Variants in C9 observed in about 807,000 individuals in gnomAD.
The protein encoded by C9 is complement component C9.
In C9, 63 loss-of-function variants were observed where a neutral mutation model predicts 65.4. The observed-to-expected ratio is 0.96, with a 90% CI of 0.79 to 1.19. The LOEUF is 1.19. C9 is among the 50% of genes most tolerant of loss of function. The pLI, the probability that C9 is intolerant of heterozygous loss-of-function variation, is 0.00. For synonymous variants in C9, 229 were observed against 227.9 expected, an observed-to-expected ratio of 1.00 and a Z score of -0.04; for missense variants, 744 against 670.1, an observed-to-expected ratio of 1.11 and a Z score of -1.22.
At chr5:39,359,839 C>T (rs190891895) in intron 1 of C9, among the ~76,000 whole-genome samples, 52 of 152,306 alleles carry the variant, frequency 3.4e-4, no homozygotes, top group Non-Finnish European at 1.6e-4. Context: ...AGGGACCCTC[C>T]GTAATGTGTT....
At chr5:39,348,357 A>G (rs374432992) in intron 1 of C9, among the ~76,000 whole-genome samples, 2 of 152,312 alleles carry the variant, frequency 1.3e-5, no homozygotes, top group East Asian at 3.9e-4. Context: ...AAAAGTGGGC[A>G]AAGGATATGA....
chr5:39,301,596 T>C (rs745635543), intron 9 of C9, among the ~76,000 whole-genome samples: 2 of 152,148 alleles, frequency 1.3e-5, no homozygotes, highest in Non-Finnish European at 2.9e-5. Context: ...TATTCTGCAA[T>C]ATTACTTCTG....
intron 1 of C9, among the ~76,000 whole-genome samples, chr5:39,363,935 G>A (rs189753856): frequency 1.3e-5 from 2 of 152,180 alleles, no homozygotes; most frequent in Non-Finnish European, 2.9e-5. Context: ...GATGTCAAGG[G>A]AAAGAAACAA....
chr5:39,308,385 A>C, intron 7 of C9, 27 bp from the exon 8 acceptor site: 2 of 1,531,980 alleles, frequency 1.3e-6, no homozygotes, highest in Non-Finnish European at 9.0e-7. Context: ...TTTGAAAATT[A>C]TTAGATAATG....
chr5:39,347,968 T>C (rs1180853261), intron 1 of C9, among the ~76,000 whole-genome samples: 1 of 142,998 alleles, frequency 7.0e-6, no homozygotes, highest in Non-Finnish European at 1.5e-5. Context: ...GCTAGCCTTA[T>C]GTAGAAAGCT....
chr5:39,359,714 T>C (rs1221285033), intron 1 of C9, among the ~76,000 whole-genome samples: 2 of 152,196 alleles, frequency 1.3e-5, no homozygotes, highest in Non-Finnish European at 2.9e-5. Context: ...CTGGTGAAGC[T>C]TCACAGGAGC....
intron 4 of C9, among the ~76,000 whole-genome samples, chr5:39,334,136 T>C (rs1294183429): frequency 6.9e-5 from 10 of 145,882 alleles, no homozygotes; most frequent in Non-Finnish European, 1.3e-4. Context: ...GGAGCCTCTC[T>C]GCCCGGCCGC....
intron 1 of C9, among the ~76,000 whole-genome samples, chr5:39,355,760 G>A (rs182477933): frequency 3.2e-4 from 49 of 152,288 alleles, no homozygotes; most frequent in Non-Finnish European, 5.6e-4. Context: ...CTAGAAGTCT[G>A]AAATCAAGAT....
At chr5:39,306,172 A>C (rs1753372120) in intron 9 of C9, among the ~76,000 whole-genome samples, 1 of 151,842 alleles carries the variant, frequency 6.6e-6, no homozygotes, top group Non-Finnish European at 1.5e-5. Context: ...CAAAAAAAAA[A>C]AAAAAAAAAA....
At chr5:39,318,008 T>A (rs575230635) in intron 5 of C9, among the ~76,000 whole-genome samples, 2 of 152,210 alleles carry the variant, frequency 1.3e-5, no homozygotes, top group Non-Finnish European at 2.9e-5. Context: ...TTTGCTTATG[T>A]CCTCTCTGAT....
Position 39,315,850 on chromosome 5 carries a change from A to T in C9, c.795T>A (p.His265Gln). The change falls in exon 6 of 11, where the codon CAT becomes CAA. Residue 265 changes from histidine (H) to glutamine (Q), a missense_variant. His to Gln is a conservative substitution (Grantham distance 24). Transcript: ENST00000263408. ...CEETASSISLHGKGSFRFSYS... is the reference protein window; with the variant it reads ...CEETASSISLQGKGSFRFSYS... ...ATGAAAACCGAAAACTACCCTTGCC[A>T]TGTAAAGAAATTGAGGAGGCTGTTT... 3 of 1,611,836 alleles carry T rather than the reference A, an allele frequency of 1.9e-6. No homozygotes were observed. Among genetic ancestry groups the T allele is most frequent in the Non-Finnish European group, 2.5e-6 (3 of 1,178,006 alleles).
intron 4 of C9, among the ~76,000 whole-genome samples, chr5:39,339,945 C>A (rs1000349677): frequency 1.3e-5 from 2 of 152,066 alleles, no homozygotes; most frequent in Admixed American, 1.3e-4. Flanking sequence ...AGGCGTGACC[C>A]GCCGCAGATA....
At chr5:39,294,041 C>T (rs752991682) in intron 9 of C9, among the ~76,000 whole-genome samples, 10 of 151,696 alleles carry the variant, frequency 6.6e-5, no homozygotes, top group South Asian at 4.2e-4. Flanking sequence ...CCAAAACTGA[C>T]GATACACAGA....
chr5:39,315,628 A>G, intron 6 of C9, 147 bp downstream of exon 6: 1 of 632,670 alleles, frequency 1.6e-6, no homozygotes, highest in East Asian at 2.8e-5. Flanking sequence ...TTCTCCAGTT[A>G]GTATTCTTTC....
intron 5 of C9, among the ~76,000 whole-genome samples, chr5:39,318,977 A>G (rs1253866433): frequency 6.6e-6 from 1 of 152,176 alleles, no homozygotes; most frequent in Non-Finnish European, 1.5e-5. Context: ...CTGTTCCACA[A>G]CCCATGCTGT....
intron 9 of C9, among the ~76,000 whole-genome samples, chr5:39,304,878 GT>G (rs546854046): frequency 4.6e-5 from 7 of 152,286 alleles, no homozygotes; most frequent in African/African-American, 1.7e-4. Context: ...TCTTTGAATA[GT>G]TTTAATAAAT....
intron 4 of C9, among the ~76,000 whole-genome samples, chr5:39,338,966 C>T (rs904001763): frequency 6.6e-6 from 1 of 152,138 alleles, no homozygotes; most frequent in Non-Finnish European, 1.5e-5. Context: ...TATAAATTTG[C>T]ATTGAATGAG....
At chr5:39,328,360 C>T (rs1228306706) in intron 5 of C9, among the ~76,000 whole-genome samples, 1 of 152,164 alleles carries the variant, frequency 6.6e-6, no homozygotes, top group Admixed American at 6.5e-5. Context: ...ATTGAGCCTG[C>T]TCATGTGAAG....
chr5:39,337,841 T>A (rs1408654916), intron 4 of C9, among the ~76,000 whole-genome samples: 1 of 152,214 alleles, frequency 6.6e-6, no homozygotes, highest in Non-Finnish European at 1.5e-5. Context: ...GGCCTTCAAA[T>A]GAAAACAGTA....
Sources: gnomAD v4.1 joint callset for allele counts (sites outside exome capture counted in the v4.1 genomes callset) on GRCh38, gnomAD v4.1.1 for gene constraint, MANE v1.5 for transcripts, NCBI Gene and HGNC (gene_info 2026-07-23, HGNC 2026-07-21) for gene names.